Variants in CKAP5 observed in about 807,000 individuals in gnomAD.
The protein encoded by CKAP5 is cytoskeleton-associated protein 5.
Under a neutral mutation model 232.8 loss-of-function variants are expected in CKAP5, and 27 were observed. That is an observed-to-expected ratio of 0.12 (90% CI 0.09 to 0.16). The LOEUF (loss-of-function observed/expected upper bound fraction) is 0.16, where lower values mean the gene tolerates loss of function less well. Ranked by LOEUF, CKAP5 falls within the 10% of genes least tolerant of loss-of-function variation. The probability of loss-of-function intolerance (pLI) is 1.00; values close to 1 mark genes in which losing one functional copy is unlikely to be tolerated. For missense variants in CKAP5, 1,838 were observed against 2,424.7 expected (o/e 0.76, Z 5.08); for synonymous variants, 785 against 841.1 (o/e 0.93, Z 1.16).
In CKAP5 at chr11:46,778,253, T is replaced by C; in HGVS notation, c.2634A>G (p.Lys878=). 2 of 1,614,014 alleles carry C rather than the reference T, an allele frequency of 1.2e-6. No individual in the cohort carries two copies. Among genetic ancestry groups the C allele is most frequent in the South Asian group, 1.1e-5 (1 of 91,088 alleles). ...KIGDKNWKIR[K]EGLDEVAGII... is the part of the protein sequence containing the mutation. ...TACCTGCCACTTCATCTAGGCCTTC[T>C]TTCCTAATCTTCCAATTCTTATCAC... is the stretch of plus-strand genomic sequence containing the variant. The change falls in exon 22 of 44, where the codon AAA becomes AAG. Residue 878 remains lysine, a synonymous_variant. Coordinates refer to ENST00000529230, the MANE Select transcript of CKAP5 (RefSeq NM_001008938.4).
At chr11:46,844,414 A>T (rs1940129452) in intron 1 of CKAP5, among the ~76,000 whole-genome samples, 1 of 152,146 alleles carries the variant, frequency 6.6e-6, no homozygotes, top group Non-Finnish European at 1.5e-5. Context: ...CGTGAAGGTA[A>T]AAAACAAACA....
intron 40 of CKAP5, 146 bp from the exon 41 acceptor site, chr11:46,750,757 C>G (rs2065057898): frequency 1.5e-6 from 1 of 659,330 alleles, no homozygotes; most frequent in Non-Finnish European, 2.6e-6. Flanking sequence ...TGATGCAGGT[C>G]TTGCAGCAGA....
At position 46,807,188 on chromosome 11, in the gene CKAP5, T is replaced by C. The variant is rs528645437; in HGVS notation, c.978+843A>G. The stretch of plus-strand genomic sequence containing the variant: ...CCAAACAGAATAAAACAAAGTTATG[T>C]ACTGATTGATGGAAATGTTGTGACC... On this transcript the variant is annotated intron_variant, in intron 8 of 43. Coordinates refer to ENST00000529230, the MANE Select transcript of CKAP5 (RefSeq NM_001008938.4). 1.4e-4 allele frequency among the ~76,000 whole-genome samples: 21 copies of C among 152,324 alleles called. No individual in the cohort carries two copies. In the South Asian group the frequency reaches 3.9e-3, roughly 29 times the overall value.
At chr11:46,760,479 A>G in intron 33 of CKAP5, 133 bp downstream of exon 33, 2 of 852,838 alleles carry the variant, frequency 2.3e-6, no homozygotes, top group South Asian at 1.6e-5. Context: ...TTTGGTTACA[A>G]TACATTTACC....
At chr11:46,757,496 A>G (rs192478128) in intron 35 of CKAP5, among the ~76,000 whole-genome samples, 8 of 152,254 alleles carry the variant, frequency 5.3e-5, no homozygotes, top group Non-Finnish European at 1.0e-4. Flanking sequence ...ATCTCAAAAA[A>G]AAAATTACAA....
chr11:46,760,641 T>A lies in CKAP5; in HGVS notation c.4365A>T (p.Gly1455=), dbSNP rs1163458566. Residue 1455 remains glycine, a synonymous_variant, in exon 33 of 44, where the codon GGA becomes GGT. Coordinates refer to ENST00000529230, the MANE Select transcript of CKAP5 (RefSeq NM_001008938.4). ...ISSNANMLRK[G]PAEDMSSKLN... ...GTTTGGAAGACATGTCCTCAGCTGG[T>A]CCCTTGCGTAACATGTTGGCATTGG... 2.5e-6 allele frequency: 4 copies of A among 1,614,096 alleles called. No homozygotes were observed. The highest frequency in any genetic ancestry group is 3.4e-6 in the Non-Finnish European group (4 of 1,180,038).
At chr11:46,790,651 TA>T (rs1182030240) in intron 13 of CKAP5, 68 bp from the exon 14 acceptor site, 5 of 1,144,780 alleles carry the variant, frequency 4.4e-6, no homozygotes, top group Non-Finnish European at 6.2e-6. Context: ...TTTTTATTTT[TA>T]TTTTTTTTGA....
chr11:46,751,407 T>C lies in CKAP5; in HGVS notation c.5261A>G (p.Glu1754Gly), dbSNP rs771506386. The C allele has an allele frequency of 9.3e-6, 15 of 1,614,036 alleles. No individual in the cohort carries two copies. Among genetic ancestry groups the C allele is most frequent in the Non-Finnish European group, 1.3e-5 (15 of 1,180,024 alleles). ...PKEKLKQCKS[E>G]FPIRTLKTLL... ...GGTCTTTAGGGTCCTTATGGGAAAT[T>C]CACTTTTGCATTGCTTCAGTTTCTC... The change falls in exon 39 of 44, where the codon GAA becomes GGA. Residue 1754 changes from glutamate (E) to glycine (G), a missense_variant. By Grantham distance (98) the Glu-to-Gly change is moderately conservative. This residue lies in a region of CKAP5 where 579 missense variants were observed against 843.2 expected (regional missense o/e 0.69). Transcript: ENST00000529230.
chr11:46,777,763 T>C (rs1368150088), intron 22 of CKAP5, among the ~76,000 whole-genome samples: 3 of 152,232 alleles, frequency 2.0e-5, no homozygotes, highest in Non-Finnish European at 4.4e-5. Context: ...AACTAGATTA[T>C]CAGAATTTTA....
chr11:46,801,798 A>G (rs1471129043), intron 8 of CKAP5, among the ~76,000 whole-genome samples: 1 of 152,128 alleles, frequency 6.6e-6, no homozygotes, highest in Non-Finnish European at 1.5e-5. Context: ...TTAGTCTTCT[A>G]TCTTAAAGTT....
chr11:46,765,821 T>A (rs542090818), intron 27 of CKAP5, among the ~76,000 whole-genome samples: 1 of 152,222 alleles, frequency 6.6e-6, no homozygotes, highest in East Asian at 1.9e-4. Flanking sequence ...TCCAGGCTGG[T>A]CTCGAGCTCC....
At chr11:46,815,739 C>A (rs557074606) in intron 4 of CKAP5, among the ~76,000 whole-genome samples, 1 of 152,180 alleles carries the variant, frequency 6.6e-6, no homozygotes, top group East Asian at 1.9e-4. Flanking sequence ...GAATGACTTT[C>A]CTTATTCAGG....
At chr11:46,827,623 TAAAAGAAA>T (rs933325394) in intron 1 of CKAP5, among the ~76,000 whole-genome samples, 2 of 151,904 alleles carry the variant, frequency 1.3e-5, no homozygotes, top group Admixed American at 6.6e-5. Context: ...CATACCTCTA[TAAAAGAAA>T]AAAAGAAAAA....
chr11:46,743,535 T>G lies in CKAP5; in HGVS notation c.*488A>C. ...TCCATGATATGGAGCATCTTGGGAGTCAGGTATAGTTAATGCAAACTTTAT... is the reference window on the plus strand; with the variant it reads ...TCCATGATATGGAGCATCTTGGGAGGCAGGTATAGTTAATGCAAACTTTAT... On this transcript the variant is annotated 3_prime_UTR_variant, in exon 44 of 44. Coordinates refer to ENST00000529230, the MANE Select transcript of CKAP5 (RefSeq NM_001008938.4). 1 of 157,842 alleles carries G rather than the reference T, an allele frequency of 6.3e-6. No homozygotes were observed. 9.8% of individuals were successfully genotyped at this position (157,842 alleles called of 1,614,324 possible).
chr11:46,840,651 C>T (rs909681448), intron 1 of CKAP5, among the ~76,000 whole-genome samples: 2 of 152,168 alleles, frequency 1.3e-5, no homozygotes, highest in African/African-American at 4.8e-5. Context: ...GTCCCTGGAG[C>T]GTGGTGTGCC....
At chr11:46,795,507 T>C (rs1938850190) in intron 13 of CKAP5, 87 bp downstream of exon 13, 3 of 1,105,348 alleles carry the variant, frequency 2.7e-6, no homozygotes, top group Admixed American at 2.5e-5. Flanking sequence ...AATTCATTTC[T>C]CAAACAAAAT....
chr11:46,755,050 T>C lies in CKAP5; in HGVS notation c.4707A>G (p.Arg1569=). Residue 1569 remains arginine, a synonymous_variant, in exon 36 of 44, where the codon AGA becomes AGG. Coordinates refer to ENST00000529230, the MANE Select transcript of CKAP5 (RefSeq NM_001008938.4). ...QALTQIDEVL[R]QEDKAEAMSG... is the part of the protein sequence containing the mutation. ...ACATGGCTTCAGCTTTGTCTTCCTGTCTCAGGACCTCATCGATCTGATAAC... is the reference window on the plus strand; with the variant it reads ...ACATGGCTTCAGCTTTGTCTTCCTGCCTCAGGACCTCATCGATCTGATAAC... 1 of 1,606,722 alleles carries C rather than the reference T, an allele frequency of 6.2e-7. No individual in the cohort carries two copies.
At chr11:46,801,120 G>C (rs974014280) in intron 9 of CKAP5, 80 bp downstream of exon 9, 10 of 953,656 alleles carry the variant, frequency 1.0e-5, no homozygotes, top group Non-Finnish European at 1.7e-5. Flanking sequence ...CCAAGGAGTT[G>C]TTTTAAAGCA....
intron 8 of CKAP5, 102 bp from the exon 9 acceptor site, chr11:46,801,406 ACACCTGTAATCCCAG>A: frequency 1.2e-6 from 1 of 838,030 alleles, no homozygotes; most frequent in South Asian, 1.5e-5. Context: ...GCAGCGGCTC[ACACCTGTAATCCCAG>A]CACTTTGGGA....
Sources: allele counts gnomAD v4.1 joint callset (sites outside exome capture counted in the v4.1 genomes callset), GRCh38; gene constraint gnomAD v4.1.1; regional missense constraint gnomAD v4.1.1; transcripts MANE v1.5; gene names NCBI Gene and HGNC (gene_info 2026-07-23, HGNC 2026-07-21).